The following ZNF507 variants were observed in gnomAD, a reference collection of about 807,000 sequenced individuals.
ZNF507 encodes the protein zinc finger protein 507.
ZNF507 carries 29 observed loss-of-function variants against 80.0 expected under a neutral mutation model. The ratio of observed to expected loss-of-function variants is 0.36; its 90% CI spans 0.27 to 0.49. The LOEUF (loss-of-function observed/expected upper bound fraction) is 0.49. Ranked by LOEUF, ZNF507 falls within the 20% of genes least tolerant of loss-of-function variation. The probability of loss-of-function intolerance (pLI) is 0.98; values close to 1 mark genes in which losing one functional copy is unlikely to be tolerated. For synonymous variants in ZNF507, 462 were observed against 422.5 expected (o/e 1.09, Z -1.15); for missense variants, 1,081 against 1,152.2 (o/e 0.94, Z 0.90).
rs1309496018 is a variant in ZNF507, at chr19:32,353,044, C to G, written c.214C>G (p.Arg72Gly). 4 of 1,613,914 alleles carry G rather than the reference C, an allele frequency of 2.5e-6. No homozygotes were observed. ...TCTTTTAATTGGGAAGAAACGCCCA[C>G]GTTCAAGTGCTGCAACACACTCTCT... ...KCLLIGKKRPRSSAATHSLET... is the reference protein window; with the variant it reads ...KCLLIGKKRPGSSAATHSLET... Residue 72 changes from arginine (R) to glycine (G), a missense_variant, in exon 3 of 7, where the codon CGT becomes GGT. Coordinates refer to ENST00000355898, the MANE Select transcript of ZNF507 (RefSeq NM_001136156.2).
intron 5 of ZNF507, among the ~76,000 whole-genome samples, chr19:32,377,015 T>G (rs368956069): frequency 2.6e-5 from 4 of 152,198 alleles, no homozygotes; most frequent in African/African-American, 7.2e-5. Flanking sequence ...CAGAGCCAGG[T>G]GTACAGGATG....
rs943845918 is a variant in ZNF507, at chr19:32,385,825, C to T, written c.*2742C>T. Reference sequence around the variant, plus strand: ...ATGAGGTCCTCTGTTTACCTCCCCCCCCAAAAAAAAAATTCAGTAGGAATT... The same window carrying T: ...ATGAGGTCCTCTGTTTACCTCCCCCTCCAAAAAAAAAATTCAGTAGGAATT... On this transcript the variant is annotated 3_prime_UTR_variant, in exon 7 of 7. Coordinates refer to ENST00000355898, the MANE Select transcript of ZNF507 (RefSeq NM_001136156.2). The T allele has an allele frequency of 6.6e-6, 1 of 151,592 alleles. No individual in the cohort carries two copies. Among genetic ancestry groups the T allele is most frequent in the Non-Finnish European group, 1.5e-5 (1 of 67,934 alleles). The allele number at this position is 151,592 out of a possible 1,614,324, so 9.4% of individuals were successfully genotyped here.
chr19:32,373,844 A>G (rs1238136605), intron 5 of ZNF507, among the ~76,000 whole-genome samples: 3 of 152,034 alleles, frequency 2.0e-5, no homozygotes, highest in South Asian at 2.1e-4. Context: ...GTGACTATCC[A>G]TTTTCGTAAC....
rs574832999 is a variant in ZNF507, at chr19:32,382,201, CTAAAG to C, written c.2361-262_2361-258del. The C allele has an allele frequency of 5.3e-4, 170 of 322,056 alleles. 1 individual carries two copies. In the Middle Eastern group the frequency reaches 0.011, roughly 21 times the overall value. 19.9% of individuals were successfully genotyped at this position (322,056 alleles called of 1,614,324 possible). On this transcript the variant is annotated intron_variant, in intron 5 of 6. Coordinates refer to ENST00000355898, the MANE Select transcript of ZNF507 (RefSeq NM_001136156.2). ...AAAATCTTTCCAAATATTGTAATAACTAAAGTAATCTGGAATGTTTGTCTTGATTC... is the reference window on the plus strand; with the variant it reads ...AAAATCTTTCCAAATATTGTAATAACTAATCTGGAATGTTTGTCTTGATTC...
intron 1 of ZNF507, 87 bp from the exon 2 acceptor site, chr19:32,347,158 T>G (rs1423827985): frequency 1.3e-5 from 2 of 152,262 alleles, no homozygotes; most frequent in East Asian, 1.9e-4. Context: ...ATTGAGAAAT[T>G]TTTCACTGCC....
At chr19:32,370,165 CTT>C (rs1967451267) in intron 5 of ZNF507, among the ~76,000 whole-genome samples, 1 of 152,216 alleles carries the variant, frequency 6.6e-6, no homozygotes, top group African/African-American at 2.4e-5. Flanking sequence ...TCAGTGGACA[CTT>C]AGGTTGTTTC....
At chr19:32,370,976 A>G (rs542367522) in intron 5 of ZNF507, among the ~76,000 whole-genome samples, 8 of 152,296 alleles carry the variant, frequency 5.3e-5, no homozygotes, top group African/African-American at 1.7e-4. Context: ...CCATTTATTG[A>G]AGAGACTGTT....
rs1967671699 is a variant in ZNF507, at chr19:32,385,106, A to T, written c.*2023A>T. 1 of 152,166 alleles carries T rather than the reference A, an allele frequency of 6.6e-6. No individual in the cohort carries two copies. Among genetic ancestry groups the T allele is most frequent in the African/African-American group, 2.4e-5 (1 of 41,434 alleles). 9.4% of individuals were successfully genotyped at this position (152,166 alleles called of 1,614,324 possible). On this transcript the variant is annotated 3_prime_UTR_variant, in exon 7 of 7. Coordinates refer to ENST00000355898, the MANE Select transcript of ZNF507 (RefSeq NM_001136156.2). ...AACCTTAGAAGGATTTTGTCTTAGA[A>T]AATTTCCTTGGCTTTAGTTTTATAT... is the stretch of plus-strand genomic sequence containing the variant.
In ZNF507 at chr19:32,354,010, C is replaced by T. The variant is rs767720397; in HGVS notation, c.1180C>T (p.His394Tyr). 7 of 1,614,102 alleles carry T rather than the reference C, an allele frequency of 4.3e-6. No homozygotes were observed. The highest frequency in any genetic ancestry group is 5.9e-6 in the Non-Finnish European group (7 of 1,180,014). Residue 394 changes from histidine (H) to tyrosine (Y), a missense_variant, in exon 3 of 7, where the codon CAT (histidine) becomes TAT (tyrosine). By Grantham distance (83) the His-to-Tyr change is moderately conservative. Around this residue, in one of 6 missense-constraint regions of ZNF507, gnomAD observed 614 missense variants for 583.9 expected, o/e 1.05. Coordinates refer to ENST00000355898, the MANE Select transcript of ZNF507 (RefSeq NM_001136156.2). Reference protein sequence around the residue: ...IISSSPNKKGHVNVIVERLPS... With the variant: ...IISSSPNKKGYVNVIVERLPS... ...CAGCAGCAGCCCCAATAAAAAAGGGCATGTTAACGTGATAGTGGAGCGATT... is the reference window on the plus strand; with the variant it reads ...CAGCAGCAGCCCCAATAAAAAAGGGTATGTTAACGTGATAGTGGAGCGATT...
chr19:32,369,703 A>C (rs763155323), intron 5 of ZNF507, among the ~76,000 whole-genome samples: 10 of 152,170 alleles, frequency 6.6e-5, no homozygotes, highest in Non-Finnish European at 1.3e-4. Flanking sequence ...AGATGTAGAT[A>C]GTAAAATGGT....
intron 5 of ZNF507, among the ~76,000 whole-genome samples, chr19:32,361,570 T>C (rs1967322909): frequency 1.3e-5 from 2 of 152,210 alleles, no homozygotes; most frequent in Non-Finnish European, 2.9e-5. Flanking sequence ...AGTACATCTG[T>C]TTGCAGAGTC....
At chr19:32,362,286 TAGG>T (rs747834109) in intron 5 of ZNF507, among the ~76,000 whole-genome samples, 11 of 152,216 alleles carry the variant, frequency 7.2e-5, no homozygotes, top group Non-Finnish European at 1.3e-4. Flanking sequence ...GTTTACCTGA[TAGG>T]AGGAGAAAGC....
chr19:32,353,889 C>T lies in ZNF507; in HGVS notation c.1059C>T (p.Thr353=), dbSNP rs760542709. The T allele has an allele frequency of 6.8e-6, 11 of 1,613,952 alleles. No individual in the cohort carries two copies. The African/African-American group carries it at 9.3e-5, about 14-fold the overall frequency. The part of the protein sequence containing the change: ...ERGVHLSQSV[T]LDPNEEEMLE... The stretch of plus-strand genomic sequence containing the variant: ...GAGTACACCTAAGTCAGTCAGTTAC[C>T]CTGGACCCCAATGAGGAAGAAATGC... Residue 353 remains threonine, a synonymous_variant, in exon 3 of 7, where the codon ACC becomes ACT. Coordinates refer to ENST00000355898, the MANE Select transcript of ZNF507 (RefSeq NM_001136156.2).
intron 4 of ZNF507, chr19:32,357,381 T>C (rs1010708109): frequency 2.6e-5 from 4 of 152,246 alleles, no homozygotes; most frequent in African/African-American, 7.2e-5. Context: ...TTGGTTCAGC[T>C]CACTTAAATT....
rs761636840 is a variant in ZNF507, at chr19:32,353,790, A to G, written c.960A>G (p.Pro320=). ...GTGAACTGAGTATCCACAATGGGCC[A>G]TCAGTGCAAGTGCAGATTTGCAGCT... ...GESELSIHNG[P]SVQVQICSSE... is the part of the protein sequence containing the mutation. Residue 320 remains proline (P), a synonymous_variant, in exon 3 of 7, where the codon CCA becomes CCG. Coordinates refer to ENST00000355898, the MANE Select transcript of ZNF507 (RefSeq NM_001136156.2). 3 of 1,614,242 alleles carry G rather than the reference A, an allele frequency of 1.9e-6. No individual in the cohort carries two copies. In the Admixed American group the frequency reaches 5.0e-5, roughly 27 times the overall value.
intron 4 of ZNF507, chr19:32,358,186 A>G (rs1420704459): frequency 6.6e-6 from 1 of 152,186 alleles, no homozygotes; most frequent in Non-Finnish European, 1.5e-5. Flanking sequence ...TAGCAGTTCA[A>G]ATGGCTGCAT....
rs1967208745 is a variant in ZNF507, at chr19:32,353,886, T to C, written c.1056T>C (p.Val352=). ...GAGGAGTACACCTAAGTCAGTCAGT[T>C]ACCCTGGACCCCAATGAGGAAGAAA... ...AERGVHLSQS[V]TLDPNEEEML... is the part of the protein sequence containing the mutation. Residue 352 remains valine, a synonymous_variant, in exon 3 of 7, where the codon GTT becomes GTC. Transcript: ENST00000355898. 3.1e-6 allele frequency: 5 copies of C among 1,614,206 alleles called. No individual in the cohort carries two copies. Among genetic ancestry groups the C allele is most frequent in the Non-Finnish European group, 3.4e-6 (4 of 1,180,044 alleles).
chr19:32,363,719 A>G (rs1354617024), intron 5 of ZNF507, among the ~76,000 whole-genome samples: 1 of 152,222 alleles, frequency 6.6e-6, no homozygotes, highest in Non-Finnish European at 1.5e-5. Context: ...TATCTTCTCA[A>G]TAATTCATTA....
chr19:32,350,225 C>G (rs536271507), intron 2 of ZNF507, among the ~76,000 whole-genome samples: 15 of 137,992 alleles, frequency 1.1e-4, no homozygotes, highest in Admixed American at 2.2e-4. Flanking sequence ...TTAACAGAGA[C>G]TTGTTTTTAT....
Sources: allele counts gnomAD v4.1 joint callset (sites outside exome capture counted in the v4.1 genomes callset), GRCh38; gene constraint gnomAD v4.1.1; regional missense constraint gnomAD v4.1.1; transcripts MANE v1.5; gene names NCBI Gene and HGNC (gene_info 2026-07-23, HGNC 2026-07-21).